Variants in INPP5F observed in about 807,000 individuals in gnomAD.
INPP5F encodes the protein phosphatidylinositide 4-phosphatase SAC2.
In INPP5F, 97 loss-of-function variants were observed where a neutral mutation model predicts 137.2. That is an observed-to-expected ratio of 0.71 (90% CI 0.60 to 0.84). INPP5F has a LOEUF of 0.84. INPP5F is among the 40% of genes least tolerant of loss of function. The pLI, the probability that INPP5F is intolerant of heterozygous loss-of-function variation, is 0.00. For synonymous variants in INPP5F, 504 were observed against 476.9 expected, an observed-to-expected ratio of 1.06 and a Z score of -0.74; for missense variants, 1,271 against 1,371.9, an observed-to-expected ratio of 0.93 and a Z score of 1.16.
rs532013727 is a variant in INPP5F, at chr10:119,804,214, T to A, written c.1158T>A (p.Ile386=). ...TAGACCAGGCAGGAAGAGAGAAGAT[T>A]ATTGGCGATGCTTACCTGAAGCAAG... The part of the protein sequence containing the change: ...NLVDQAGREK[I]IGDAYLKQVL... Residue 386 remains isoleucine, a synonymous_variant, in exon 10 of 20, where the codon ATT becomes ATA. Coordinates refer to ENST00000650623, the MANE Select transcript of INPP5F (RefSeq NM_014937.4). The A allele has an allele frequency of 1.6e-5, 25 of 1,611,398 alleles. No homozygotes were observed. In the South Asian group the frequency reaches 2.4e-4, roughly 16 times the overall value.
intron 1 of INPP5F, among the ~76,000 whole-genome samples, chr10:119,744,583 G>A (rs1848474226): frequency 6.6e-6 from 1 of 151,552 alleles, no homozygotes; most frequent in South Asian, 2.1e-4. Context: ...ATGGAGTCTC[G>A]CTCTGTCCCC....
rs559895247 is a variant in INPP5F, at chr10:119,759,255, A to G, written c.178+8099A>G. 2.1e-3 allele frequency among the ~76,000 whole-genome samples: 318 copies of G among 152,300 alleles called. 2 individuals are homozygous for G. Among genetic ancestry groups the G allele is most frequent in the Non-Finnish European group, 3.9e-3 (265 of 68,034 alleles). ...AGGCTGGTCTTGAACTCCTGGGCTC[A>G]AGCAGTCTACCTGCCTTGGCCTTTC... On this transcript the variant is annotated intron_variant, in intron 2 of 19. Transcript: ENST00000650623.
chr10:119,773,367 A>G (rs1176424074), intron 2 of INPP5F, among the ~76,000 whole-genome samples: 1 of 152,084 alleles, frequency 6.6e-6, no homozygotes, highest in Non-Finnish European at 1.5e-5. Flanking sequence ...TGTTTTTCAA[A>G]TTTTAGTTTC....
chr10:119,797,998 A>C (rs2134225818), intron 8 of INPP5F, among the ~76,000 whole-genome samples: 1 of 152,262 alleles, frequency 6.6e-6, no homozygotes, highest in South Asian at 2.1e-4. Flanking sequence ...ACCAAAAATC[A>C]ATAAGATGCC....
chr10:119,769,657 G>C (rs1340824877), intron 2 of INPP5F, among the ~76,000 whole-genome samples: 1 of 152,184 alleles, frequency 6.6e-6, no homozygotes, highest in East Asian at 1.9e-4. Context: ...CACTGTGTTT[G>C]AGCCAGGGCA....
In INPP5F at chr10:119,827,435, T is replaced by G. The variant is rs372064174; in HGVS notation, c.3054T>G (p.Leu1018=). The G allele has an allele frequency of 3.1e-6, 5 of 1,614,076 alleles. No individual in the cohort carries two copies. The African/African-American group carries it at 6.7e-5, about 22-fold the overall frequency. ...GGCCATCGCAATTAGATGTCTCTCTTTCTGCAACAGGCCCACAGTTTTTGT... is the reference window on the plus strand; with the variant it reads ...GGCCATCGCAATTAGATGTCTCTCTGTCTGCAACAGGCCCACAGTTTTTGT... ...PSRPSQLDVS[L]SATGPQFLSV... Residue 1018 remains leucine (L), a synonymous_variant, in exon 20 of 20, where the codon CTT becomes CTG. Transcript: ENST00000650623.
chr10:119,803,238 T>G lies in INPP5F; in HGVS notation c.1117-935T>G, dbSNP rs145598781. Among the ~76,000 whole-genome samples, 638 of 152,334 alleles carry G rather than the reference T, an allele frequency of 4.2e-3. 4 individuals carry two copies. Among genetic ancestry groups the G allele is most frequent in the Admixed American group, 8.4e-3 (128 of 15,296 alleles). On this transcript the variant is annotated intron_variant, in intron 9 of 19. Coordinates refer to ENST00000650623, the MANE Select transcript of INPP5F (RefSeq NM_014937.4). ...CAACCTACATTTATAGAAGCATTAT[T>G]CTGAGTTTTCTTCTAGCTCTATTAT...
intron 15 of INPP5F, among the ~76,000 whole-genome samples, chr10:119,812,877 C>T (rs1170182984): frequency 6.6e-6 from 1 of 150,818 alleles, no homozygotes; most frequent in Non-Finnish European, 1.5e-5. Context: ...ATGTCCTTCA[C>T]TTGTATTTTT....
intron 13 of INPP5F, 97 bp from the exon 14 acceptor site, chr10:119,810,003 G>A (rs1353651062): frequency 2.8e-6 from 2 of 723,490 alleles, no homozygotes; most frequent in Non-Finnish European, 4.9e-6. Flanking sequence ...AATTATAAAA[G>A]CCTGTAGAAT....
At chr10:119,775,596 C>G (rs968753684) in intron 2 of INPP5F, among the ~76,000 whole-genome samples, 1 of 152,072 alleles carries the variant, frequency 6.6e-6, no homozygotes, top group Non-Finnish European at 1.5e-5. Flanking sequence ...GTTTTTAACC[C>G]AAAGCCCATG....
chr10:119,812,007 G>A, intron 15 of INPP5F, 52 bp downstream of exon 15: 1 of 1,414,344 alleles, frequency 7.1e-7, no homozygotes, highest in Non-Finnish European at 1.0e-6. Flanking sequence ...ATGTTGGGAA[G>A]TTGTCATGAT....
intron 9 of INPP5F, among the ~76,000 whole-genome samples, chr10:119,803,872 T>C (rs1850677379): frequency 1.3e-5 from 2 of 152,228 alleles, no homozygotes; most frequent in Non-Finnish European, 2.9e-5. Context: ...AAATATTTGC[T>C]GTTACAAAGG....
intron 2 of INPP5F, among the ~76,000 whole-genome samples, chr10:119,764,730 C>T (rs535163559): frequency 1.1e-3 from 168 of 151,118 alleles, no homozygotes; most frequent in Non-Finnish European, 2.0e-3. Context: ...TTCAGGCATG[C>T]GCCACCATGC....
intron 15 of INPP5F, among the ~76,000 whole-genome samples, chr10:119,820,081 A>G (rs575406928): frequency 2.0e-5 from 3 of 152,226 alleles, no homozygotes; most frequent in Non-Finnish European, 4.4e-5. Context: ...TATTAGACTA[A>G]AAGTTTCACC....
At chr10:119,736,246 G>A (rs2134104877) in intron 1 of INPP5F, among the ~76,000 whole-genome samples, 1 of 152,350 alleles carries the variant, frequency 6.6e-6, no homozygotes, top group South Asian at 2.1e-4. Flanking sequence ...TTTGTTTGAG[G>A]TGGTTGTTAC....
intron 1 of INPP5F, among the ~76,000 whole-genome samples, chr10:119,741,112 T>C (rs998675553): frequency 5.3e-5 from 8 of 152,210 alleles, no homozygotes; most frequent in Non-Finnish European, 1.2e-4. Flanking sequence ...GCTAGGATTC[T>C]TCACCCAGGA....
chr10:119,819,243 T>TTTG (rs1554896158), intron 15 of INPP5F: 1 of 209,194 alleles, frequency 4.8e-6, no homozygotes, highest in Non-Finnish European at 6.6e-6. Context: ...TTTTTTTTTT[T>TTTG]AAAGGGGAAG....
At position 119,775,259 on chromosome 10, in the gene INPP5F, C is replaced by G. The variant is rs547270774; in HGVS notation, c.179-6376C>G. Among the ~76,000 whole-genome samples, 21 of 152,012 alleles carry G rather than the reference C, an allele frequency of 1.4e-4. No individual in the cohort carries two copies. The South Asian group carries it at 3.3e-3, about 24-fold the overall frequency. ...AGAAACTGGATTATCAAATATAATT[C>G]TTTTTTCTTTTTTTGAGGCAGCATC... On this transcript the variant is annotated intron_variant, in intron 2 of 19. Coordinates refer to ENST00000650623, the MANE Select transcript of INPP5F (RefSeq NM_014937.4).
intron 6 of INPP5F, among the ~76,000 whole-genome samples, chr10:119,796,261 C>G (rs952853023): frequency 6.6e-6 from 1 of 151,876 alleles, no homozygotes; most frequent in Non-Finnish European, 1.5e-5. Flanking sequence ...ATAAAGTGAT[C>G]AGAGTTGGTT....
Sources: allele counts gnomAD v4.1 joint callset (sites outside exome capture counted in the v4.1 genomes callset), GRCh38; gene constraint gnomAD v4.1.1; transcripts MANE v1.5; gene names NCBI Gene and HGNC (gene_info 2026-07-23, HGNC 2026-07-21).